VSTM2L: variants seen among roughly 807,000 people sequenced by gnomAD.
VSTM2L encodes the protein V-set and transmembrane domain containing 2 like.
A neutral mutation model predicts 19.9 loss-of-function variants in VSTM2L; 9 were observed. The observed-to-expected ratio is 0.45, with a 90% confidence interval of 0.27 to 0.79. VSTM2L has a LOEUF of 0.79. VSTM2L is among the 30% of genes least tolerant of loss of function. The probability of loss-of-function intolerance (pLI) is 0.15; values close to 1 mark genes in which losing one functional copy is unlikely to be tolerated. For missense variants in VSTM2L, 286 were observed against 295.5 expected (o/e 0.97, Z 0.24); for synonymous variants, 127 against 133.8 (o/e 0.95, Z 0.35).
chr20:37,940,558 A>C (rs2072966257), intron 3 of VSTM2L, among the ~76,000 whole-genome samples: 2 of 152,216 alleles, frequency 1.3e-5, no homozygotes, highest in Non-Finnish European at 2.9e-5. Context: ...GTGAGAGCGC[A>C]TGGAGCCTGT....
At chr20:37,938,744 G>A (rs1358463813) in intron 3 of VSTM2L, among the ~76,000 whole-genome samples, 6 of 152,230 alleles carry the variant, frequency 3.9e-5, no homozygotes, top group African/African-American at 1.2e-4. Context: ...CAGCTGGGTC[G>A]CCATGCGGGG....
intron 1 of VSTM2L, among the ~76,000 whole-genome samples, chr20:37,913,261 A>G (rs867379476): frequency 9.9e-5 from 15 of 152,226 alleles, no homozygotes; most frequent in African/African-American, 3.4e-4. Context: ...AAAATGCCAC[A>G]GAGTTTTGCC....
intron 1 of VSTM2L, among the ~76,000 whole-genome samples, chr20:37,927,895 GAGA>G (rs2072887576): frequency 6.6e-6 from 1 of 152,230 alleles, no homozygotes; most frequent in South Asian, 2.1e-4. Context: ...CCGTGTCTGG[GAGA>G]AGGAGGCATG....
chr20:37,914,490 TTG>T (rs1246073885), intron 1 of VSTM2L, among the ~76,000 whole-genome samples: 1 of 150,258 alleles, frequency 6.7e-6, no homozygotes. Flanking sequence ...TGTGTGTGTA[TTG>T]TGTGTATGCG....
Position 37,903,162 on chromosome 20 carries a change from C to A in VSTM2L, c.-189C>A, listed in dbSNP as rs1174664763. Reference sequence around the variant, plus strand: ...GCGGCCGGCTGGGCGTGCGCTCGCTCCCCGAAGCCGGGGCTGGGCCGGAGC... The same window carrying A: ...GCGGCCGGCTGGGCGTGCGCTCGCTACCCGAAGCCGGGGCTGGGCCGGAGC... On this transcript the variant is annotated 5_prime_UTR_variant, in exon 1 of 4. Coordinates refer to ENST00000373461, the MANE Select transcript of VSTM2L (RefSeq NM_080607.3). 9.3e-6 allele frequency: 7 copies of A among 755,502 alleles called. No homozygotes were observed. The highest frequency in any genetic ancestry group is 5.3e-6 in the Non-Finnish European group (3 of 568,598). 46.8% of individuals were successfully genotyped at this position (755,502 alleles called of 1,614,324 possible). A position where few individuals can be genotyped will look rare whatever the true frequency, so the allele number is the denominator to read the frequency against.
chr20:37,907,660 C>A (rs2072758232), intron 1 of VSTM2L, among the ~76,000 whole-genome samples: 1 of 151,970 alleles, frequency 6.6e-6, no homozygotes, highest in Non-Finnish European at 1.5e-5. Flanking sequence ...CTGCCACACA[C>A]ACACACCCCT....
At chr20:37,940,512 G>T (rs2072965990) in intron 3 of VSTM2L, among the ~76,000 whole-genome samples, 1 of 152,254 alleles carries the variant, frequency 6.6e-6, no homozygotes, top group African/African-American at 2.4e-5. Flanking sequence ...TGCCAGCACT[G>T]GTGGCCCTCG....
At chr20:37,935,541 A>T (rs2072934644) in intron 3 of VSTM2L, among the ~76,000 whole-genome samples, 1 of 151,004 alleles carries the variant, frequency 6.6e-6, no homozygotes, top group South Asian at 2.1e-4. Context: ...AGGCCTTTGC[A>T]CAGGCTGGTC....
intron 3 of VSTM2L, among the ~76,000 whole-genome samples, chr20:37,942,350 C>T (rs1019044682): frequency 5.3e-5 from 8 of 152,134 alleles, no homozygotes; most frequent in Admixed American, 4.6e-4. Context: ...AGCATGGTGG[C>T]GGGTGCCTGT....
At chr20:37,905,290 G>A (rs376978372) in intron 1 of VSTM2L, among the ~76,000 whole-genome samples, 2 of 152,154 alleles carry the variant, frequency 1.3e-5, no homozygotes, top group East Asian at 1.9e-4. Flanking sequence ...TATGAGGAAT[G>A]GGACTCTGAG....
At chr20:37,936,051 A>ATTT (rs5841281) in intron 3 of VSTM2L, among the ~76,000 whole-genome samples, 107 of 138,950 alleles carry the variant, frequency 7.7e-4, no homozygotes, top group African/African-American at 2.4e-3. Context: ...TACCTAGCTA[A>ATTT]TTTTTTTTTT....
chr20:37,923,059 G>A (rs1437744375), intron 1 of VSTM2L, among the ~76,000 whole-genome samples: 2 of 152,198 alleles, frequency 1.3e-5, no homozygotes, highest in Non-Finnish European at 2.9e-5. Context: ...CGTGAGGCGT[G>A]AGGCACATGT....
At position 37,944,122 on chromosome 20, in the gene VSTM2L, C is replaced by T. The variant is rs771354218; in HGVS notation, c.484C>T (p.Arg162Trp). Residue 162 changes from arginine (R) to tryptophan (W), a missense_variant, in exon 4 of 4, where the codon CGG (arginine) becomes TGG (tryptophan). Physicochemically the swap from Arg to Trp is moderately radical, Grantham distance 101. Transcript: ENST00000373461. ...GCACCACAAGGTCAAGGCCTACCTG[C>T]GGGTGCAGCCAGGGGAGAACTCCGT... is the stretch of plus-strand genomic sequence containing the variant. The part of the protein sequence containing the change: ...ARHHKVKAYL[R>W]VQPGENSVLH... The T allele has an allele frequency of 4.3e-6, 7 of 1,611,326 alleles. No homozygotes were observed. Among genetic ancestry groups the T allele is most frequent in the East Asian group, 2.2e-5 (1 of 44,762 alleles).
intron 1 of VSTM2L, among the ~76,000 whole-genome samples, chr20:37,913,608 T>A (rs1600561859): frequency 6.6e-6 from 1 of 151,398 alleles, no homozygotes; most frequent in Non-Finnish European, 1.5e-5. Context: ...GAGAGGGAGG[T>A]CTCTAGAGGG....
At chr20:37,909,738 A>G (rs964200939) in intron 1 of VSTM2L, among the ~76,000 whole-genome samples, 12 of 152,168 alleles carry the variant, frequency 7.9e-5, no homozygotes, top group African/African-American at 2.4e-5. Context: ...TGCTGCAGCC[A>G]TGAGGATGGG....
chr20:37,943,928 T>G, intron 3 of VSTM2L, 53 bp from the exon 4 acceptor site: 17 of 303,982 alleles, frequency 5.6e-5, no homozygotes, highest in East Asian at 1.1e-4. Flanking sequence ...CCGACTCTTC[T>G]TCTCCCCCAC....
chr20:37,939,500 C>A (rs2072959582), intron 3 of VSTM2L, among the ~76,000 whole-genome samples: 1 of 152,178 alleles, frequency 6.6e-6, no homozygotes, highest in East Asian at 1.9e-4. Flanking sequence ...AGTGATCAGG[C>A]ACTTCATAAA....
chr20:37,940,052 G>A (rs77273552), intron 3 of VSTM2L, among the ~76,000 whole-genome samples: 1 of 151,382 alleles, frequency 6.6e-6, no homozygotes, highest in African/African-American at 2.5e-5. Flanking sequence ...GCCTCGCTTG[G>A]TGCTCCCTCC....
chr20:37,944,173 G>A lies in VSTM2L; in HGVS notation c.535G>A (p.Ala179Thr), dbSNP rs377435668. ...SVLHLPEAPP[A>T]APAPPPPKPG... ...CCTGCATCTGCCCGAAGCCCCTCCCGCCGCGCCCGCCCCGCCGCCCCCCAA... is the reference window on the plus strand; with the variant it reads ...CCTGCATCTGCCCGAAGCCCCTCCCACCGCGCCCGCCCCGCCGCCCCCCAA... Residue 179 changes from alanine to threonine, a missense_variant, in exon 4 of 4, where the codon GCC becomes ACC. Coordinates refer to ENST00000373461, the MANE Select transcript of VSTM2L (RefSeq NM_080607.3). The A allele has an allele frequency of 4.6e-5, 66 of 1,423,436 alleles. No homozygotes were observed. The highest frequency in any genetic ancestry group is 5.9e-5 in the African/African-American group (4 of 68,234). The allele number at this position is 1,423,436 out of a possible 1,614,324, so 88.2% of individuals were successfully genotyped here.
Sources: allele counts gnomAD v4.1 joint callset (sites outside exome capture counted in the v4.1 genomes callset), GRCh38; gene constraint gnomAD v4.1.1; transcripts MANE v1.5; gene names NCBI Gene and HGNC (gene_info 2026-07-23, HGNC 2026-07-21).